AKAP13: variants seen among roughly 807,000 people sequenced by gnomAD.
AKAP13 encodes A-kinase anchoring protein 13, also known as A-kinase anchor protein 13.
Under a neutral mutation model 264.5 loss-of-function variants are expected in AKAP13, and 80 were observed. The ratio of observed to expected loss-of-function variants is 0.30; its 90% confidence interval spans 0.25 to 0.36. AKAP13 has a LOEUF of 0.36. Ranked by LOEUF, AKAP13 falls within the 10% of genes least tolerant of loss-of-function variation. The pLI, the probability that AKAP13 is intolerant of heterozygous loss-of-function variation, is 1.00. For synonymous variants in AKAP13, 1,380 were observed against 1,250.2 expected (o/e 1.10, Z -2.19); for missense variants, 3,712 against 3,435.2 (o/e 1.08, Z -2.01).
At chr15:85,635,151 C>A in intron 8 of AKAP13, 2 of 398,054 alleles carry the variant, frequency 5.0e-6, no homozygotes, top group South Asian at 1.3e-4. Context: ...ACTGCTTTCC[C>A]AAAATGGCTG....
Position 85,744,920 on chromosome 15 carries a change from C to G in AKAP13, c.*243C>G. On this transcript the variant is annotated 3_prime_UTR_variant, in exon 37 of 37. Coordinates refer to ENST00000394518, the MANE Select transcript of AKAP13 (RefSeq NM_007200.5). ...GCCCAGGACTCTCAGGTTGGGCTGG[C>G]CCTACTCAGGATTACACTGAAAGTA... The G allele has an allele frequency of 2.3e-6, 1 of 442,072 alleles. No individual in the cohort carries two copies. The highest frequency in any genetic ancestry group is 4.0e-6 in the Non-Finnish European group (1 of 250,508). 27.4% of individuals were successfully genotyped at this position (442,072 alleles called of 1,614,324 possible). A position where few individuals can be genotyped will look rare whatever the true frequency, so the allele number is the denominator to read the frequency against.
At chr15:85,619,795 C>T (rs2081093895) in intron 8 of AKAP13, 1 of 1,124,602 alleles carries the variant, frequency 8.9e-7, no homozygotes, top group East Asian at 5.1e-5. Context: ...AAGATCTGCA[C>T]AAAGTATAGC....
intron 1 of AKAP13, among the ~76,000 whole-genome samples, chr15:85,437,099 A>G (rs1033954302): frequency 6.8e-6 from 1 of 148,030 alleles, no homozygotes; most frequent in African/African-American, 2.5e-5. Flanking sequence ...AAAAAGAGAG[A>G]AGAATCAAAT....
chr15:85,393,674 C>G (rs188769657), intron 1 of AKAP13, among the ~76,000 whole-genome samples: 1 of 152,160 alleles, frequency 6.6e-6, no homozygotes, highest in Non-Finnish European at 1.5e-5. Flanking sequence ...AGATATTATT[C>G]TTTCTCCCTT....
chr15:85,410,420 G>T (rs1200945923), intron 1 of AKAP13, among the ~76,000 whole-genome samples: 1 of 151,560 alleles, frequency 6.6e-6, no homozygotes, highest in Non-Finnish European at 1.5e-5. Flanking sequence ...ACACTGTTTG[G>T]ACTGGCCTTT....
At position 85,664,564 on chromosome 15, in the gene AKAP13, T is replaced by G; in HGVS notation, c.4801T>G (p.Phe1601Val). The change falls in exon 13 of 37, where the codon TTC (phenylalanine) becomes GTC (valine). Residue 1601 changes from phenylalanine (F) to valine (V), a missense_variant and splice_region_variant. Transcript: ENST00000394518. Reference sequence around the variant, plus strand: ...TTAACTTTTGTGCCCTATGTTCAGTTTCAGTCTAGAAGGCTTGACAGGAGG... The same window carrying G: ...TTAACTTTTGTGCCCTATGTTCAGTGTCAGTCTAGAAGGCTTGACAGGAGG... ...VRRPPIHRRS[F>V]SLEGLTGGAG... 1 of 1,604,810 alleles carries G rather than the reference T, an allele frequency of 6.2e-7. No individual in the cohort carries two copies. The highest frequency in any genetic ancestry group is 8.5e-7 in the Non-Finnish European group (1 of 1,174,756).
intron 5 of AKAP13, among the ~76,000 whole-genome samples, chr15:85,550,147 C>T (rs778368225): frequency 5.9e-5 from 9 of 152,160 alleles, no homozygotes; most frequent in Non-Finnish European, 1.0e-4. Context: ...GATTTCGTGA[C>T]CTCGTGATCC....
At chr15:85,567,112 GT>G (rs1164667191) in intron 5 of AKAP13, among the ~76,000 whole-genome samples, 1 of 150,876 alleles carries the variant, frequency 6.6e-6, no homozygotes, top group Non-Finnish European at 1.5e-5. Context: ...TACAAGTGCA[GT>G]TTTTTGTTTT....
chr15:85,439,976 ATAAT>A (rs1189350990), intron 1 of AKAP13, among the ~76,000 whole-genome samples: 4 of 148,042 alleles, frequency 2.7e-5, no homozygotes, highest in Non-Finnish European at 6.0e-5. Context: ...ATAATAAAAA[ATAAT>A]AATAATAATA....
In AKAP13 at chr15:85,480,002, T is replaced by C. The variant is rs144290614; in HGVS notation, c.-11-5708T>C. Reference sequence around the variant, plus strand: ...TTATTTCCAGTACAGTTGTGATGTATTGAATGACAAGGGACTTTAAAACAG... The same window carrying C: ...TTATTTCCAGTACAGTTGTGATGTACTGAATGACAAGGGACTTTAAAACAG... On this transcript the variant is annotated intron_variant, in intron 1 of 36. Coordinates refer to ENST00000394518, the MANE Select transcript of AKAP13 (RefSeq NM_007200.5). Among the ~76,000 whole-genome samples, 1,163 of 152,324 alleles carry C rather than the reference T, an allele frequency of 7.6e-3. 23 individuals are homozygous for C. Among genetic ancestry groups the C allele is most frequent in the African/African-American group, 0.027 (1,105 of 41,566 alleles).
At position 85,586,717 on chromosome 15, in the gene AKAP13, G is replaced by A. The variant is rs948128625; in HGVS notation, c.4161+894G>A. Among the ~76,000 whole-genome samples the A allele has an allele frequency of 2.6e-5, 4 of 152,032 alleles. No individual in the cohort carries two copies. In the South Asian group the frequency reaches 6.2e-4, roughly 24 times the overall value. ...GAGGTGGGTGGATTACCTGAGGTCG[G>A]AAGTTCAAGATCAGCCCGACCAACA... On this transcript the variant is annotated intron_variant, in intron 8 of 36. Coordinates refer to ENST00000394518, the MANE Select transcript of AKAP13 (RefSeq NM_007200.5).
chr15:85,470,009 T>C (rs916224709), intron 1 of AKAP13, among the ~76,000 whole-genome samples: 1 of 152,180 alleles, frequency 6.6e-6, no homozygotes, highest in African/African-American at 2.4e-5. Context: ...CTGAATCAGC[T>C]GGTTGTGATG....
intron 10 of AKAP13, among the ~76,000 whole-genome samples, chr15:85,648,348 C>T (rs1335594879): frequency 6.6e-6 from 1 of 152,224 alleles, no homozygotes; most frequent in Non-Finnish European, 1.5e-5. Context: ...AGGTGCATGA[C>T]AGCTTGTGCC....
In AKAP13 at chr15:85,658,610, G is replaced by T; in HGVS notation, c.4799+20G>T. On this transcript the variant is annotated intron_variant, in intron 12 of 36. Transcript: ENST00000394518. Reference sequence around the variant, plus strand: ...GAGAAGGTACAGAGTTCATTAACTTGATGGACTAACCATGTCACCTCTGAG... The same window carrying T: ...GAGAAGGTACAGAGTTCATTAACTTTATGGACTAACCATGTCACCTCTGAG... 1.2e-6 allele frequency: 2 copies of T among 1,604,958 alleles called. No homozygotes were observed. Among genetic ancestry groups the T allele is most frequent in the Non-Finnish European group, 1.7e-6 (2 of 1,172,342 alleles).
chr15:85,448,799 A>G (rs939740515), intron 1 of AKAP13, among the ~76,000 whole-genome samples: 19 of 144,836 alleles, frequency 1.3e-4, no homozygotes, highest in African/African-American at 3.6e-4. Context: ...GAGTAACGTG[A>G]TTCTTCCAGC....
chr15:85,476,787 ACT>A (rs1363730147), intron 1 of AKAP13, among the ~76,000 whole-genome samples: 1 of 152,066 alleles, frequency 6.6e-6, no homozygotes, highest in Non-Finnish European at 1.5e-5. Context: ...CTTAATGAGG[ACT>A]CTGCAATCAT....
rs1043174874 is a variant in AKAP13 at position 85,539,703 on chromosome 15, A to C, written c.479-4069A>C. 2.9e-4 allele frequency among the ~76,000 whole-genome samples: 44 copies of C among 152,178 alleles called. 1 individual carries two copies. Among genetic ancestry groups the C allele is most frequent in the African/African-American group, 1.0e-3 (42 of 41,442 alleles). On this transcript the variant is annotated intron_variant, in intron 4 of 36. Coordinates refer to ENST00000394518, the MANE Select transcript of AKAP13 (RefSeq NM_007200.5). ...GTGTGACAGGTGTGTCCAGCATATA[A>C]GTAAATAGAAAGCAGGATGTGAGAC...
At chr15:85,423,950 T>A (rs878901960) in intron 1 of AKAP13, among the ~76,000 whole-genome samples, 1 of 152,048 alleles carries the variant, frequency 6.6e-6, no homozygotes, top group Non-Finnish European at 1.5e-5. Flanking sequence ...TGAGCAGGAG[T>A]CTTTTTTTTC....
intron 8 of AKAP13, chr15:85,620,017 G>T: frequency 6.5e-7 from 1 of 1,529,582 alleles, no homozygotes; most frequent in Non-Finnish European, 8.7e-7. Flanking sequence ...TGGAACTAAG[G>T]ACTTGCACTG....
Sources: allele counts gnomAD v4.1 joint callset (sites outside exome capture counted in the v4.1 genomes callset), GRCh38; gene constraint gnomAD v4.1.1; transcripts MANE v1.5; gene names NCBI Gene and HGNC (gene_info 2026-07-23, HGNC 2026-07-21).